Variants in AK9 observed in about 807,000 individuals in gnomAD.
AK9 encodes the protein adenylate kinase domain containing 1.
AK9 carries 191 observed loss-of-function variants against 239.6 expected under a neutral mutation model. That is an observed-to-expected ratio of 0.80 (90% CI 0.71 to 0.90). The LOEUF (loss-of-function observed/expected upper bound fraction) is 0.90, where lower values mean the gene tolerates loss of function less well. Ranked by LOEUF, AK9 falls within the 40% of genes least tolerant of loss-of-function variation. The pLI is 0.00. For synonymous variants in AK9, 689 were observed against 721.0 expected (o/e 0.96, Z 0.71); for missense variants, 1,995 against 2,214.7 (o/e 0.90, Z 1.99).
chr6:109,522,542 T>C (rs1446011465), intron 29 of AK9, among the ~76,000 whole-genome samples: 1 of 152,076 alleles, frequency 6.6e-6, no homozygotes, highest in East Asian at 1.9e-4. Flanking sequence ...TAACTTATTT[T>C]AGTTTTCATT....
intron 33 of AK9, among the ~76,000 whole-genome samples, chr6:109,508,222 G>T (rs771166138): frequency 4.6e-5 from 7 of 152,208 alleles, no homozygotes; most frequent in African/African-American, 1.7e-4. Context: ...ATGTATGAGG[G>T]TGCAATTGTT....
At chr6:109,577,067 T>C (rs1788187157) in intron 20 of AK9, among the ~76,000 whole-genome samples, 1 of 152,114 alleles carries the variant, frequency 6.6e-6, no homozygotes, top group Non-Finnish European at 1.5e-5. Context: ...CCCAACCTTG[T>C]GATCGGCCCA....
chr6:109,509,166 C>G lies in AK9; in HGVS notation c.4481+13G>C. On this transcript the variant is annotated intron_variant, in intron 33 of 40. Transcript: ENST00000424296. ...AACTCCCTCTGTCCCATCCTCTCAC[C>G]CCATTCACTTACCCTGCAGTATTGC... The G allele has an allele frequency of 6.4e-7, 1 of 1,550,812 alleles. No individual in the cohort carries two copies. Among genetic ancestry groups the G allele is most frequent in the Non-Finnish European group, 8.7e-7 (1 of 1,146,152 alleles).
intron 8 of AK9, among the ~76,000 whole-genome samples, chr6:109,650,299 A>C (rs1029875883): frequency 3.9e-5 from 6 of 152,106 alleles, no homozygotes; most frequent in South Asian, 2.1e-4. Context: ...TGAACAGGCA[A>C]CCTACAGAAT....
At chr6:109,553,867 T>C (rs1784651228) in intron 24 of AK9, among the ~76,000 whole-genome samples, 2 of 152,234 alleles carry the variant, frequency 1.3e-5, no homozygotes, top group South Asian at 4.1e-4. Flanking sequence ...TATTTTGAGA[T>C]ATGTTCCATC....
rs397809195 is a variant in AK9, at chr6:109,565,485, A to AT, written c.2345-641dup. ...CAAGACACCATCTCTTTAAAAAAAA[A>AT]TTTTTTTTCAAGAAGATACACCAAA... On this transcript the variant is annotated intron_variant, in intron 21 of 40. Coordinates refer to ENST00000424296, the MANE Select transcript of AK9 (RefSeq NM_001145128.3). Among the ~76,000 whole-genome samples the AT allele has an allele frequency of 5.0e-4, 75 of 151,392 alleles. 1 individual carries two copies. In the East Asian group the frequency reaches 0.014, roughly 28 times the overall value.
chr6:109,519,095 G>A (rs1562343524), intron 29 of AK9, among the ~76,000 whole-genome samples: 4 of 152,124 alleles, frequency 2.6e-5, no homozygotes, highest in African/African-American at 9.7e-5. Context: ...AATTTGCTCA[G>A]GATAATGGCT....
chr6:109,646,612 A>C (rs998578765), intron 8 of AK9, among the ~76,000 whole-genome samples: 47 of 152,252 alleles, frequency 3.1e-4, no homozygotes, highest in African/African-American at 1.1e-3. Context: ...CCTAAGTTTG[A>C]TTGGTGTACC....
chr6:109,516,190 T>A, intron 30 of AK9, 115 bp from the exon 31 acceptor site: 1 of 1,019,694 alleles, frequency 9.8e-7, no homozygotes, highest in Admixed American at 2.8e-5. Context: ...AACACAAATA[T>A]TTTTCAGCTT....
At chr6:109,564,690 G>A (rs974527829) in intron 22 of AK9, 66 bp downstream of exon 22, 3 of 1,253,170 alleles carry the variant, frequency 2.4e-6, no homozygotes, top group Admixed American at 2.5e-5. Context: ...CTAAAATTAG[G>A]GACCCTTTGT....
At chr6:109,680,827 C>T (rs937901639) in intron 1 of AK9, among the ~76,000 whole-genome samples, 82 of 152,248 alleles carry the variant, frequency 5.4e-4, no homozygotes, top group Middle Eastern at 6.8e-3. Context: ...GAATTTTCAA[C>T]GCAGAATTTC....
intron 10 of AK9, among the ~76,000 whole-genome samples, 162 bp downstream of exon 10, chr6:109,641,356 T>C (rs1197071412): frequency 1.9e-4 from 27 of 144,692 alleles, no homozygotes; most frequent in East Asian, 6.0e-4. Flanking sequence ...TTTCTTTTTT[T>C]TTTTTTTTTT....
chr6:109,634,648 G>T (rs1157967846), intron 10 of AK9, among the ~76,000 whole-genome samples: 6 of 152,182 alleles, frequency 3.9e-5, no homozygotes, highest in Non-Finnish European at 5.9e-5. Context: ...CCAAGTGAGA[G>T]CTGGAAGTGA....
intron 38 of AK9, 111 bp downstream of exon 38, chr6:109,497,354 A>ACACC: frequency 1.7e-6 from 1 of 604,610 alleles, no homozygotes; most frequent in East Asian, 3.8e-5. Flanking sequence ...ACACACACAC[A>ACACC]CACACACACT....
chr6:109,612,725 G>C (rs1793721218), intron 15 of AK9, among the ~76,000 whole-genome samples: 1 of 151,998 alleles, frequency 6.6e-6, no homozygotes, highest in South Asian at 2.1e-4. Flanking sequence ...ATTCTTACTA[G>C]GCTTTAAATA....
At position 109,493,186 on chromosome 6, in the gene AK9, C is replaced by G; in HGVS notation, c.*183G>C. 2 of 568,870 alleles carry G rather than the reference C, an allele frequency of 3.5e-6. No individual in the cohort carries two copies. Among genetic ancestry groups the G allele is most frequent in the Non-Finnish European group, 3.1e-6 (1 of 324,980 alleles). The allele number at this position is 568,870 out of a possible 1,614,324, so 35.2% of individuals were successfully genotyped here. A position where few individuals can be genotyped will look rare whatever the true frequency, so the allele number is the denominator to read the frequency against. ...TTTAAAATTGTATTAAAACTTGTTTCCATAAGAGTGCTCCTTCCTGGCTGG... is the reference window on the plus strand; with the variant it reads ...TTTAAAATTGTATTAAAACTTGTTTGCATAAGAGTGCTCCTTCCTGGCTGG... On this transcript the variant is annotated 3_prime_UTR_variant, in exon 41 of 41. Transcript: ENST00000424296.
At chr6:109,497,639 G>A (rs1777214369) in intron 37 of AK9, 76 bp from the exon 38 acceptor site, 2 of 1,348,386 alleles carry the variant, frequency 1.5e-6, no homozygotes, top group Admixed American at 2.3e-5. Context: ...AAAGTCAAAA[G>A]TATTTTATTT....
chr6:109,513,814 A>G (rs1778991746), intron 32 of AK9, among the ~76,000 whole-genome samples: 1 of 152,170 alleles, frequency 6.6e-6, no homozygotes, highest in Non-Finnish European at 1.5e-5. Flanking sequence ...TTTAAGATAG[A>G]TAGGATCTCT....
chr6:109,673,971 A>C (rs1771312593), intron 3 of AK9, among the ~76,000 whole-genome samples: 1 of 144,712 alleles, frequency 6.9e-6, no homozygotes, highest in South Asian at 2.1e-4. Context: ...ATGTCTCTAC[A>C]AAAAAAAAAA....
Sources: gnomAD v4.1 joint callset for allele counts (sites outside exome capture counted in the v4.1 genomes callset) on GRCh38, gnomAD v4.1.1 for gene constraint, MANE v1.5 for transcripts, NCBI Gene and HGNC (gene_info 2026-07-23, HGNC 2026-07-21) for gene names.